CDK5RAP2: variants seen among roughly 807,000 people sequenced by gnomAD.
CDK5RAP2 encodes CDK5 regulatory subunit-associated protein 2.
A neutral mutation model predicts 232.9 loss-of-function variants in CDK5RAP2; 147 were observed. The observed-to-expected ratio is 0.63, with a 90% CI of 0.55 to 0.72. CDK5RAP2 has a LOEUF of 0.72. Ranked by LOEUF, CDK5RAP2 falls within the 30% of genes least tolerant of loss-of-function variation. CDK5RAP2 has a pLI of 0.00. For missense variants in CDK5RAP2, 2,195 were observed against 2,231.5 expected (o/e 0.98, Z 0.33); for synonymous variants, 833 against 833.7 (o/e 1.00, Z 0.01).
At chr9:120,520,944 C>A (rs1420046466) in intron 11 of CDK5RAP2, among the ~76,000 whole-genome samples, 2 of 151,136 alleles carry the variant, frequency 1.3e-5, no homozygotes, top group Non-Finnish European at 2.9e-5. Flanking sequence ...TATCATATAT[C>A]TCATATGAGC....
intron 5 of CDK5RAP2, 101 bp downstream of exon 5, chr9:120,545,613 T>G: frequency 1.1e-6 from 1 of 888,802 alleles, no homozygotes; most frequent in South Asian, 1.3e-5. Flanking sequence ...GTCCTCAGAG[T>G]CCAGATGGAA....
intron 14 of CDK5RAP2, among the ~76,000 whole-genome samples, chr9:120,478,577 G>C (rs1342860902): frequency 1.3e-5 from 2 of 152,094 alleles, no homozygotes; most frequent in East Asian, 1.9e-4. Flanking sequence ...TTCAAGACCA[G>C]CCTGGGCAAC....
In CDK5RAP2 at chr9:120,460,673, T is replaced by C. The variant is rs2037034322; in HGVS notation, c.2107-6A>G. 1.2e-6 allele frequency: 2 copies of C among 1,613,814 alleles called. No individual in the cohort carries two copies. The highest frequency in any genetic ancestry group is 1.3e-5 in the African/African-American group (1 of 74,872). Reference sequence around the variant, plus strand: ...TCCTCCTTGCTAGCCAGAAGCTACATGGAGCATGGAATGGTGTGAAAATGC... The same window carrying C: ...TCCTCCTTGCTAGCCAGAAGCTACACGGAGCATGGAATGGTGTGAAAATGC... On this transcript the variant is annotated splice_region_variant and splice_polypyrimidine_tract_variant and intron_variant, in intron 18 of 37. Transcript: ENST00000349780.
At chr9:120,493,565 T>C (rs986607533) in intron 12 of CDK5RAP2, among the ~76,000 whole-genome samples, 2 of 152,208 alleles carry the variant, frequency 1.3e-5, no homozygotes, top group African/African-American at 4.8e-5. Flanking sequence ...CAAATGACCA[T>C]TTATGATGTA....
chr9:120,482,065 T>C (rs552334083), intron 14 of CDK5RAP2, among the ~76,000 whole-genome samples: 1 of 152,356 alleles, frequency 6.6e-6, no homozygotes, highest in African/African-American at 2.4e-5. Context: ...ACTGACTCTC[T>C]GAGAGCAGAA....
intron 3 of CDK5RAP2, among the ~76,000 whole-genome samples, chr9:120,552,584 A>G (rs943924617): frequency 6.6e-6 from 1 of 151,800 alleles, no homozygotes; most frequent in Non-Finnish European, 1.5e-5. Context: ...TCAGCAAACT[A>G]TCGCAAGGAT....
At chr9:120,474,063 C>T (rs901015643) in intron 15 of CDK5RAP2, among the ~76,000 whole-genome samples, 3 of 152,226 alleles carry the variant, frequency 2.0e-5, no homozygotes, top group African/African-American at 7.2e-5. Context: ...CACGCCACCA[C>T]TACTGGGCAA....
chr9:120,445,161 C>T (rs903908135), intron 22 of CDK5RAP2, among the ~76,000 whole-genome samples: 1 of 152,248 alleles, frequency 6.6e-6, no homozygotes, highest in Non-Finnish European at 1.5e-5. Context: ...AAGGACACTG[C>T]TTCTCCCGCA....
At chr9:120,487,273 T>G in intron 14 of CDK5RAP2, 21 bp downstream of exon 14, 1 of 1,613,790 alleles carries the variant, frequency 6.2e-7, no homozygotes, top group East Asian at 2.2e-5. Flanking sequence ...CATGTGAATG[T>G]CCAATTTCAG....
At chr9:120,484,062 T>C (rs1282983715) in intron 14 of CDK5RAP2, among the ~76,000 whole-genome samples, 1 of 152,210 alleles carries the variant, frequency 6.6e-6, no homozygotes, top group Non-Finnish European at 1.5e-5. Context: ...TCAGTGTGTT[T>C]CACTCTCTAT....
Position 120,415,109 on chromosome 9 carries a change from C to T in CDK5RAP2, c.4228G>A (p.Glu1410Lys), listed in dbSNP as rs1588273804. 6 of 1,614,118 alleles carry T rather than the reference C, an allele frequency of 3.7e-6. No individual in the cohort carries two copies. The highest frequency in any genetic ancestry group is 5.1e-6 in the Non-Finnish European group (6 of 1,179,952). The change falls in exon 28 of 38, where the codon GAA becomes AAA. Residue 1410 changes from glutamate to lysine, a missense_variant. By Grantham distance (56) the Glu-to-Lys change is moderately conservative. Transcript: ENST00000349780. ...TTCTCATTTGTTTTAATAGATTCTT[C>T]TAAACGCTTTCTCAAAGTTCGAATT... ...QEIRTLRKRL[E>K]ESIKTNEKLR...
intron 1 of CDK5RAP2, among the ~76,000 whole-genome samples, chr9:120,579,242 T>G (rs2043151442): frequency 6.6e-6 from 1 of 152,256 alleles, no homozygotes; most frequent in Non-Finnish European, 1.5e-5. Context: ...AGATCATTTT[T>G]TAAGCACTGA....
intron 20 of CDK5RAP2, among the ~76,000 whole-genome samples, chr9:120,455,256 G>C (rs1175624692): frequency 6.6e-6 from 1 of 151,712 alleles, no homozygotes; most frequent in African/African-American, 2.4e-5. Context: ...GCCTCGAGGA[G>C]AGGAAATGGA....
In CDK5RAP2 at chr9:120,491,481, C is replaced by T. The variant is rs2038903985; in HGVS notation, c.1312-4G>A. 2 of 1,603,970 alleles carry T rather than the reference C, an allele frequency of 1.2e-6. No individual in the cohort carries two copies. The highest frequency in any genetic ancestry group is 2.2e-5 in the South Asian group (2 of 90,846). On this transcript the variant is annotated splice_region_variant and splice_polypyrimidine_tract_variant and intron_variant, in intron 12 of 37. Coordinates refer to ENST00000349780, the MANE Select transcript of CDK5RAP2 (RefSeq NM_018249.6). The stretch of plus-strand genomic sequence containing the variant: ...TTTCAACTTCATTTCTAAGATCCTA[C>T]CAGAAGAAAATGAAAAAATGGAATT...
At chr9:120,413,232 G>A (rs149034346) in intron 28 of CDK5RAP2, among the ~76,000 whole-genome samples, 1 of 152,294 alleles carries the variant, frequency 6.6e-6, no homozygotes, top group Non-Finnish European at 1.5e-5. Context: ...ACCTAAACCT[G>A]AGCTAGTGAG....
At chr9:120,568,167 A>G (rs2042714644) in intron 3 of CDK5RAP2, among the ~76,000 whole-genome samples, 154 bp downstream of exon 3, 1 of 152,204 alleles carries the variant, frequency 6.6e-6, no homozygotes, top group Non-Finnish European at 1.5e-5. Flanking sequence ...ATTTGTACGT[A>G]AAAGTCTCAC....
intron 36 of CDK5RAP2, among the ~76,000 whole-genome samples, chr9:120,392,363 G>C (rs902128498): frequency 6.6e-6 from 1 of 152,182 alleles, no homozygotes. Flanking sequence ...TAGGAGAATG[G>C]AGATCTGAAC....
At chr9:120,568,532 T>C (rs920382590) in intron 2 of CDK5RAP2, 144 bp from the exon 3 acceptor site, 2 of 744,976 alleles carry the variant, frequency 2.7e-6, no homozygotes, top group African/African-American at 1.7e-5. Context: ...TGTGATTTAC[T>C]GATTTTGCTC....
Position 120,443,609 on chromosome 9 carries a change from T to C in CDK5RAP2, c.3148+11A>G, listed in dbSNP as rs147083853. On this transcript the variant is annotated intron_variant, in intron 23 of 37. Coordinates refer to ENST00000349780, the MANE Select transcript of CDK5RAP2 (RefSeq NM_018249.6). ...GAAGCTGTTCAATACACACAGGGGC[T>C]GAATTCTGACCAATCTCGTAGCTTC... 22 of 1,614,024 alleles carry C rather than the reference T, an allele frequency of 1.4e-5. No homozygotes were observed. Among genetic ancestry groups the C allele is most frequent in the Non-Finnish European group, 1.9e-5 (22 of 1,179,884 alleles).
Sources: allele counts gnomAD v4.1 joint callset (sites outside exome capture counted in the v4.1 genomes callset), GRCh38; gene constraint gnomAD v4.1.1; transcripts MANE v1.5; gene names NCBI Gene and HGNC (gene_info 2026-07-23, HGNC 2026-07-21).